YAP1: variants seen among roughly 807,000 people sequenced by gnomAD.
YAP1 encodes the protein Yes1 associated transcriptional regulator.
In YAP1, 5 loss-of-function variants were observed where a neutral mutation model predicts 56.9. The observed-to-expected ratio is 0.09, with a 90% confidence interval of 0.05 to 0.18. YAP1 has a LOEUF of 0.18. YAP1 is among the 10% of genes least tolerant of loss of function. The probability of loss-of-function intolerance (pLI) is 1.00; values close to 1 mark genes in which losing one functional copy is unlikely to be tolerated. For synonymous variants in YAP1, 265 were observed against 248.1 expected, an observed-to-expected ratio of 1.07 and a Z score of -0.64; for missense variants, 539 against 651.8, an observed-to-expected ratio of 0.83 and a Z score of 1.88.
At chr11:102,186,236 A>G (rs1947938631) in intron 4 of YAP1, 105 bp downstream of exon 4, 4 of 1,287,212 alleles carry the variant, frequency 3.1e-6, no homozygotes, top group South Asian at 2.8e-5. Flanking sequence ...GCTTTATAGT[A>G]TTAAAAAATG....
chr11:102,146,044 A>G (rs1417893555), intron 2 of YAP1, among the ~76,000 whole-genome samples: 1 of 152,230 alleles, frequency 6.6e-6, no homozygotes, highest in Non-Finnish European at 1.5e-5. Flanking sequence ...CAGAATGTCA[A>G]GGAATCAGTT....
chr11:102,194,519 C>T (rs1255640125), intron 4 of YAP1, among the ~76,000 whole-genome samples: 5 of 152,162 alleles, frequency 3.3e-5, no homozygotes, highest in African/African-American at 1.2e-4. Flanking sequence ...GTTTGGGTGC[C>T]AGTTACATGC....
At chr11:102,208,886 G>GT (rs1565271242) in intron 5 of YAP1, among the ~76,000 whole-genome samples, 1 of 152,132 alleles carries the variant, frequency 6.6e-6, no homozygotes, top group African/African-American at 2.4e-5. Flanking sequence ...TCATCCTGGG[G>GT]TTTTTTGGTG....
intron 4 of YAP1, among the ~76,000 whole-genome samples, chr11:102,204,557 A>T (rs1949028037): frequency 6.6e-6 from 1 of 152,182 alleles, no homozygotes; most frequent in South Asian, 2.1e-4. Context: ...AATGTATAGG[A>T]TGGGCCCAGC....
chr11:102,192,864 A>G (rs746208334), intron 4 of YAP1, among the ~76,000 whole-genome samples: 3 of 152,232 alleles, frequency 2.0e-5, no homozygotes, highest in Non-Finnish European at 4.4e-5. Context: ...GAAATCTTCC[A>G]GCCTTTAATC....
chr11:102,187,690 A>T (rs569111941), intron 4 of YAP1, among the ~76,000 whole-genome samples: 5 of 152,122 alleles, frequency 3.3e-5, no homozygotes, highest in South Asian at 2.1e-4. Flanking sequence ...AAAGAAAAAA[A>T]TTTTTTCCTT....
chr11:102,168,087 C>A (rs1946706116), intron 3 of YAP1, among the ~76,000 whole-genome samples: 1 of 152,020 alleles, frequency 6.6e-6, no homozygotes, highest in African/African-American at 2.4e-5. Flanking sequence ...ATATAATAGC[C>A]TTTTGATGCC....
intron 4 of YAP1, among the ~76,000 whole-genome samples, chr11:102,205,076 A>G (rs1280141635): frequency 1.3e-5 from 2 of 152,158 alleles, no homozygotes; most frequent in Non-Finnish European, 2.9e-5. Flanking sequence ...TCAGTGTTGT[A>G]TCAGTGACAG....
chr11:102,209,419 G>A, intron 5 of YAP1, 98 bp from the exon 6 acceptor site: 2 of 1,091,780 alleles, frequency 1.8e-6, no homozygotes, highest in Middle Eastern at 2.0e-4. Flanking sequence ...GGAATTCTGT[G>A]CTATGGTGAT....
At chr11:102,119,265 T>G (rs1943501985) in intron 2 of YAP1, among the ~76,000 whole-genome samples, 1 of 151,802 alleles carries the variant, frequency 6.6e-6, no homozygotes, top group South Asian at 2.1e-4. Context: ...AGAAAAACAG[T>G]TGGAAGATAG....
chr11:102,205,869 A>AT (rs541668231), intron 4 of YAP1, 24 bp from the exon 5 acceptor site: 2,418 of 1,377,736 alleles, frequency 1.8e-3, no homozygotes, highest in South Asian at 5.4e-3. Flanking sequence ...TTTAGGACAG[A>AT]TTTTTTTTTT....
chr11:102,193,681 C>T (rs990243601), intron 4 of YAP1, among the ~76,000 whole-genome samples: 3 of 152,086 alleles, frequency 2.0e-5, no homozygotes, highest in African/African-American at 7.2e-5. Context: ...ATAATGAGTA[C>T]ATTGTTCATA....
At chr11:102,192,194 A>G (rs980913379) in intron 4 of YAP1, among the ~76,000 whole-genome samples, 2 of 152,134 alleles carry the variant, frequency 1.3e-5, no homozygotes, top group African/African-American at 2.4e-5. Context: ...TTCCTTTCAC[A>G]TGTGTGAATA....
chr11:102,110,787 G>T lies in YAP1; in HGVS notation c.-62G>T. On this transcript the variant is annotated 5_prime_UTR_variant, in exon 1 of 9. Transcript: ENST00000282441. ...CTCCACCTCGGCCCGTGGAGCCGGGGCGTCCGGGCGTAGCCCTCGCTCGCC... is the reference window on the plus strand; with the variant it reads ...CTCCACCTCGGCCCGTGGAGCCGGGTCGTCCGGGCGTAGCCCTCGCTCGCC... The T allele has an allele frequency of 3.2e-6, 4 of 1,268,308 alleles. No homozygotes were observed. The highest frequency in any genetic ancestry group is 4.0e-6 in the Non-Finnish European group (4 of 1,008,536). The allele number at this position is 1,268,308 out of a possible 1,614,324, so 78.6% of individuals were successfully genotyped here. A position where few individuals can be genotyped will look rare whatever the true frequency, so the allele number is the denominator to read the frequency against.
chr11:102,186,230 T>C (rs1947938408), intron 4 of YAP1, 99 bp downstream of exon 4: 3 of 1,343,746 alleles, frequency 2.2e-6, no homozygotes, highest in Non-Finnish European at 3.0e-6. Context: ...CGCATTGCTT[T>C]ATAGTATTAA....
intron 4 of YAP1, among the ~76,000 whole-genome samples, chr11:102,190,651 T>G (rs1439310418): frequency 7.0e-6 from 1 of 143,126 alleles, no homozygotes; most frequent in African/African-American, 2.6e-5. Context: ...TAAAAATTAG[T>G]AACAGGCTGG....
intron 5 of YAP1, 126 bp downstream of exon 5, chr11:102,206,200 G>A (rs1949113149): frequency 8.6e-7 from 1 of 1,166,438 alleles, no homozygotes; most frequent in Non-Finnish European, 1.2e-6. Flanking sequence ...GAGTGACACA[G>A]AAGCATTCTA....
intron 3 of YAP1, among the ~76,000 whole-genome samples, chr11:102,171,475 A>G (rs1178563547): frequency 1.3e-5 from 2 of 152,250 alleles, no homozygotes; most frequent in African/African-American, 2.4e-5. Context: ...CTTTAGGTTA[A>G]AATCTTAATG....
chr11:102,226,788 G>T (rs564896559), intron 7 of YAP1, among the ~76,000 whole-genome samples: 1 of 152,042 alleles, frequency 6.6e-6, no homozygotes, highest in East Asian at 1.9e-4. Flanking sequence ...ATGATTTCCC[G>T]TTTCGTTTCG....
Sources: gnomAD v4.1 joint callset for allele counts (sites outside exome capture counted in the v4.1 genomes callset) on GRCh38, gnomAD v4.1.1 for gene constraint, MANE v1.5 for transcripts, NCBI Gene and HGNC (gene_info 2026-07-23, HGNC 2026-07-21) for gene names.